Variants in CELSR1 observed in about 807,000 individuals in gnomAD.
CELSR1 encodes the protein adhesion G protein-coupled receptor C1.
In CELSR1, 110 loss-of-function variants were observed where a neutral mutation model predicts 249.1. That is an observed-to-expected ratio of 0.44 (90% CI 0.38 to 0.52). The LOEUF is 0.52. Among genes scored for constraint, CELSR1 ranks in the 20% least tolerant of loss-of-function variants. The pLI, the probability that CELSR1 is intolerant of heterozygous loss-of-function variation, is 0.00. For synonymous variants in CELSR1, 2,113 were observed against 1,900.0 expected (o/e 1.11, Z -2.92); for missense variants, 4,109 against 4,296.4 (o/e 0.96, Z 1.22).
chr22:46,522,633 A>G (rs933630387), intron 1 of CELSR1, among the ~76,000 whole-genome samples: 2 of 152,228 alleles, frequency 1.3e-5, no homozygotes, highest in African/African-American at 4.8e-5. Context: ...TTTAAATGGG[A>G]TACTTTCTCA....
intron 9 of CELSR1, among the ~76,000 whole-genome samples, chr22:46,405,214 A>G (rs1195620210): frequency 1.3e-5 from 2 of 151,318 alleles, no homozygotes; most frequent in Admixed American, 6.6e-5. Flanking sequence ...TAATCCCAGC[A>G]CTTTGGGAGG....
Position 46,390,859 on chromosome 22 carries a change from G to T in CELSR1, c.6250+327C>A, listed in dbSNP as rs1040165582. 6.6e-6 allele frequency among the ~76,000 whole-genome samples: 1 copy of T among 152,224 alleles called. No individual in the cohort carries two copies. Among genetic ancestry groups the T allele is most frequent in the African/African-American group, 2.4e-5 (1 of 41,456 alleles). On this transcript the variant is annotated intron_variant, in intron 16 of 34. Transcript: ENST00000674500. This position sits in a 1 kb window ranked among gnomAD's most constrained non-coding sequence, Gnocchi z 6.3. ...AGACGCCCCTCACAGAGTGGACACA[G>T]TCAATGTCCCCATTTCACAGAGGTA...
At chr22:46,421,551 A>G (rs2079472760) in intron 5 of CELSR1, among the ~76,000 whole-genome samples, 1 of 152,062 alleles carries the variant, frequency 6.6e-6, no homozygotes, top group South Asian at 2.1e-4. Flanking sequence ...AAACCAAGTG[A>G]CTTATCTGTC....
rs1285663836 is a variant in CELSR1 at position 46,412,860 on chromosome 22, C to A, written c.4612-1101G>T. On this transcript the variant is annotated intron_variant, in intron 5 of 34. Transcript: ENST00000674500. This position sits in a 1 kb window ranked among gnomAD's most constrained non-coding sequence, Gnocchi z 4.5. ...TCTTTCATCTGCACAACCTGGATAA[C>A]AAGACCTACATCCCACAGGTGGCCG... Among the ~76,000 whole-genome samples the A allele has an allele frequency of 1.3e-5, 2 of 152,210 alleles. No homozygotes were observed. Among genetic ancestry groups the A allele is most frequent in the Non-Finnish European group, 2.9e-5 (2 of 68,034 alleles).
intron 5 of CELSR1, among the ~76,000 whole-genome samples, chr22:46,421,091 A>T: frequency 6.6e-6 from 1 of 151,962 alleles, no homozygotes; most frequent in Non-Finnish European, 1.5e-5. Flanking sequence ...CAGCAACAGC[A>T]CCTCCTCCTC....
chr22:46,369,645 C>A, intron 26 of CELSR1, 47 bp downstream of exon 26: 1 of 1,559,860 alleles, frequency 6.4e-7, no homozygotes, highest in South Asian at 1.1e-5. Flanking sequence ...CCTTCCAGCT[C>A]ATGCATGTTT....
At chr22:46,507,142 C>T (rs963716421) in intron 1 of CELSR1, among the ~76,000 whole-genome samples, 1 of 152,128 alleles carries the variant, frequency 6.6e-6, no homozygotes, top group Non-Finnish European at 1.5e-5. Flanking sequence ...GCTGAGACCG[C>T]ACCACTGCAC....
At chr22:46,482,209 C>T (rs1951724039) in intron 1 of CELSR1, among the ~76,000 whole-genome samples, 1 of 152,232 alleles carries the variant, frequency 6.6e-6, no homozygotes, top group Non-Finnish European at 1.5e-5. Flanking sequence ...GGCACGGCCG[C>T]TCACCAGCAA....
rs146444292 is a variant in CELSR1, at chr22:46,437,994, G to T, written c.4406+1195C>A. 1.3e-5 allele frequency among the ~76,000 whole-genome samples: 2 copies of T among 152,126 alleles called. No homozygotes were observed. Among genetic ancestry groups the T allele is most frequent in the South Asian group, 4.1e-4 (2 of 4,836 alleles). ...CCTTTGGTGGGTTTCACTTCTGTGC[G>T]GTTCCCTTTGGACCCAGGTGGGGGC... On this transcript the variant is annotated intron_variant, in intron 3 of 34. Coordinates refer to ENST00000674500, the MANE Select transcript of CELSR1 (RefSeq NM_001378328.1). This position sits in a 1 kb window ranked among gnomAD's most constrained non-coding sequence, Gnocchi z 4.9.
chr22:46,534,485 A>C lies in CELSR1; in HGVS notation c.2686T>G (p.Phe896Val). The C allele has an allele frequency of 1.9e-6, 3 of 1,613,240 alleles. No homozygotes were observed. Among genetic ancestry groups the C allele is most frequent in the Non-Finnish European group, 2.5e-6 (3 of 1,180,010 alleles). The change falls in exon 1 of 35, where the codon TTC (phenylalanine) becomes GTC (valine). Residue 896 changes from phenylalanine (F) to valine (V), a missense_variant. By Grantham distance (50) the Phe-to-Val change is conservative. Around this residue, in one of 7 missense-constraint regions of CELSR1, gnomAD observed 886 missense variants for 896.5 expected, o/e 0.99. Coordinates refer to ENST00000674500, the MANE Select transcript of CELSR1 (RefSeq NM_001378328.1). The surrounding 1 kb of genome is among the most constrained non-coding windows in gnomAD (Gnocchi z 9.7). ...NDNAPQFLWD[F>V]YQGSIFEDAP... ...TCCTCAAAGATGGAACCCTGGTAGA[A>C]ATCCCACAGGAACTGGGGTGCATTG...
At position 46,536,341 on chromosome 22, in the gene CELSR1, T is replaced by C. The variant is rs1356378222; in HGVS notation, c.830A>G (p.Glu277Gly). The change falls in exon 1 of 35, where the codon GAG (glutamate) becomes GGG (glycine). Residue 277 changes from glutamate to glycine, a missense_variant. Glu to Gly is a moderately conservative substitution (Grantham distance 98, BLOSUM62 -2). This residue lies in a region of CELSR1 where 673 missense variants were observed against 636.8 expected (regional missense o/e 1.06). Transcript: ENST00000674500. Reference protein sequence around the residue: ...LHAHYTIEGEEERVSYYMEGL... With the variant: ...LHAHYTIEGEGERVSYYMEGL... The stretch of plus-strand genomic sequence containing the variant: ...CTCCATGTAATAGCTCACGCGCTCC[T>C]CCTCGCCCTCGATGGTGTAGTGCGC... 2.5e-6 allele frequency: 4 copies of C among 1,612,664 alleles called. No homozygotes were observed. The highest frequency in any genetic ancestry group is 3.4e-6 in the Non-Finnish European group (4 of 1,179,814).
chr22:46,376,160 T>C (rs1028702421), intron 24 of CELSR1, among the ~76,000 whole-genome samples: 1 of 152,270 alleles, frequency 6.6e-6, no homozygotes, highest in African/African-American at 2.4e-5. Context: ...TAATCATTAA[T>C]GAGCATAACA....
In CELSR1 at chr22:46,454,763, G is replaced by C. The variant is rs1440577725; in HGVS notation, c.4183+8944C>G. On this transcript the variant is annotated intron_variant, in intron 2 of 34. Transcript: ENST00000674500. The surrounding 1 kb of genome is among the most constrained non-coding windows in gnomAD (Gnocchi z 5.1). ...GCCTCCCACCCTGGAGTGGCCCGTG[G>C]TCCTCGCAGACACGCGACAGGCAGG... 6.6e-6 allele frequency among the ~76,000 whole-genome samples: 1 copy of C among 152,238 alleles called. No homozygotes were observed. The highest frequency in any genetic ancestry group is 1.5e-5 in the Non-Finnish European group (1 of 68,042).
At chr22:46,514,393 G>A (rs1285065605) in intron 1 of CELSR1, among the ~76,000 whole-genome samples, 3 of 152,174 alleles carry the variant, frequency 2.0e-5, no homozygotes, top group Middle Eastern at 3.2e-3. Context: ...CGTTTCACCA[G>A]GCCCCGACGG....
chr22:46,507,332 CG>C (rs142015376), intron 1 of CELSR1, among the ~76,000 whole-genome samples: 2 of 152,034 alleles, frequency 1.3e-5, no homozygotes, highest in Non-Finnish European at 2.9e-5. Context: ...CTGCTGAAGT[CG>C]GGGGGGTAGC....
In CELSR1 at chr22:46,464,420, C is replaced by T. The variant is rs2080074380; in HGVS notation, c.3545-75G>A. 2.0e-6 allele frequency: 3 copies of T among 1,478,734 alleles called. No individual in the cohort carries two copies. Among genetic ancestry groups the T allele is most frequent in the Non-Finnish European group, 2.7e-6 (3 of 1,095,726 alleles). 91.6% of individuals were successfully genotyped at this position (1,478,734 alleles called of 1,614,324 possible). A position where few individuals can be genotyped will look rare whatever the true frequency, so the allele number is the denominator to read the frequency against. On this transcript the variant is annotated intron_variant, in intron 1 of 34. Coordinates refer to ENST00000674500, the MANE Select transcript of CELSR1 (RefSeq NM_001378328.1). This position sits in a 1 kb window ranked among gnomAD's most constrained non-coding sequence, Gnocchi z 8.5. ...GGTCCTATAGGCCCCATCCCAGGAG[C>T]AGCCTCAGGCATGCTTGGCAAAGGA...
At position 46,423,287 on chromosome 22, in the gene CELSR1, A is replaced by G. The variant is rs111637082; in HGVS notation, c.4611+10106T>C. Among the ~76,000 whole-genome samples, 1,424 of 152,350 alleles carry G rather than the reference A, an allele frequency of 9.3e-3. 30 individuals are homozygous for G. Among genetic ancestry groups the G allele is most frequent in the African/African-American group, 0.032 (1,328 of 41,572 alleles). The stretch of plus-strand genomic sequence containing the variant: ...GAAGAACCAGCAGCCAAACCACTGC[A>G]TCACCAGGAATAATAAATATCTGAT... On this transcript the variant is annotated intron_variant, in intron 5 of 34. Coordinates refer to ENST00000674500, the MANE Select transcript of CELSR1 (RefSeq NM_001378328.1). The surrounding 1 kb of genome is among the most constrained non-coding windows in gnomAD (Gnocchi z 5.6).
Position 46,535,055 on chromosome 22 carries a change from C to T in CELSR1, c.2116G>A (p.Val706Met), listed in dbSNP as rs760664139. Residue 706 changes from valine to methionine, a missense_variant, in exon 1 of 35, where the codon GTG becomes ATG. Coordinates refer to ENST00000674500, the MANE Select transcript of CELSR1 (RefSeq NM_001378328.1). ...LNEDAAVGSS[V>M]LTLQARDRDA... ...CGGTCGCGGGCCTGCAGGGTCAGCACGCTGCTCCCCACGGCCGCATCCTCA... is the reference window on the plus strand; with the variant it reads ...CGGTCGCGGGCCTGCAGGGTCAGCATGCTGCTCCCCACGGCCGCATCCTCA... The T allele has an allele frequency of 4.3e-6, 7 of 1,612,404 alleles. No individual in the cohort carries two copies. The South Asian group carries it at 5.5e-5, about 13-fold the overall frequency.
intron 2 of CELSR1, among the ~76,000 whole-genome samples, chr22:46,460,910 T>C (rs2080018706): frequency 6.6e-6 from 1 of 152,162 alleles, no homozygotes; most frequent in East Asian, 1.9e-4. Context: ...TCAAATTTGT[T>C]GAGCTTTTCC....
Sources: allele counts gnomAD v4.1 joint callset (sites outside exome capture counted in the v4.1 genomes callset), GRCh38; gene constraint gnomAD v4.1.1; regional missense constraint gnomAD v4.1.1; non-coding constraint Gnocchi (gnomAD v3.1); transcripts MANE v1.5; gene names NCBI Gene and HGNC (gene_info 2026-07-23, HGNC 2026-07-21).